Variants in CD44 observed in about 807,000 individuals in gnomAD.
CD44 encodes CD44 molecule (IN blood group).
In CD44, 49 loss-of-function variants were observed where a neutral mutation model predicts 88.8. The ratio of observed to expected loss-of-function variants is 0.55; its 90% CI spans 0.44 to 0.70. The LOEUF is 0.70. Among genes scored for constraint, CD44 ranks in the 30% least tolerant of loss-of-function variants. CD44 has a pLI of 0.00. For synonymous variants in CD44, 325 were observed against 312.3 expected, an observed-to-expected ratio of 1.04 and a Z score of -0.43; for missense variants, 883 against 913.8, an observed-to-expected ratio of 0.97 and a Z score of 0.43.
chr11:35,202,074 T>C (rs1426410376), intron 9 of CD44, among the ~76,000 whole-genome samples: 2 of 152,240 alleles, frequency 1.3e-5, no homozygotes, highest in Non-Finnish European at 2.9e-5. Flanking sequence ...AACTTGTGTG[T>C]GTTCATTGAA....
chr11:35,177,891 C>T (rs1266037998), intron 2 of CD44, among the ~76,000 whole-genome samples: 2 of 152,186 alleles, frequency 1.3e-5, no homozygotes, highest in Admixed American at 1.3e-4. Context: ...GGTTAGTCAC[C>T]GATGGCCAGT....
At chr11:35,187,095 A>C (rs1945757028) in intron 4 of CD44, among the ~76,000 whole-genome samples, 195 bp downstream of exon 4, 1 of 152,112 alleles carries the variant, frequency 6.6e-6, no homozygotes, top group African/African-American at 2.4e-5. Context: ...CAATATGGCG[A>C]AACCTTATCT....
At chr11:35,204,413 C>T in intron 9 of CD44, 99 bp from the exon 10 acceptor site, 1 of 1,131,924 alleles carries the variant, frequency 8.8e-7, no homozygotes, top group South Asian at 1.4e-5. Context: ...TCTACCTTCC[C>T]TCCCCATGTG....
intron 1 of CD44, among the ~76,000 whole-genome samples, chr11:35,147,616 C>CTT (rs34823633): frequency 1.6e-4 from 23 of 147,320 alleles, no homozygotes; most frequent in East Asian, 3.9e-4. Flanking sequence ...CTTCCCCCAA[C>CTT]TTTTTTTTTT....
In CD44 at chr11:35,208,170, G is replaced by T. The variant is rs12273397; in HGVS notation, c.1480G>T (p.Asp494Tyr). The change falls in exon 12 of 18, where the codon GAT (aspartate) becomes TAT (tyrosine). Residue 494 changes from aspartate to tyrosine, a missense_variant. Asp to Tyr is a radical substitution (Grantham distance 160). Transcript: ENST00000428726. ...AAATCCAAACACAGGTTTGGTGGAA[G>T]ATTTGGACAGGACAGGACCTCTTTC... is the stretch of plus-strand genomic sequence containing the variant. ...TANPNTGLVE[D>Y]LDRTGPLSMT... 6.2e-7 allele frequency: 1 copy of T among 1,613,190 alleles called. No individual in the cohort carries two copies. The highest frequency in any genetic ancestry group is 8.5e-7 in the Non-Finnish European group (1 of 1,179,178).
chr11:35,166,855 C>T (rs1430008850), intron 1 of CD44, among the ~76,000 whole-genome samples: 1 of 152,266 alleles, frequency 6.6e-6, no homozygotes, highest in Non-Finnish European at 1.5e-5. Context: ...GACTGAGTCA[C>T]TCAAGACTCA....
chr11:35,152,135 T>A (rs947808726), intron 1 of CD44, among the ~76,000 whole-genome samples: 2 of 152,242 alleles, frequency 1.3e-5, no homozygotes, highest in Admixed American at 1.3e-4. Flanking sequence ...CAGCTGCCAC[T>A]GGAAGCTCTT....
At chr11:35,211,524 A>G (rs1948388627) in intron 14 of CD44, 75 bp downstream of exon 14, 1 of 1,103,976 alleles carries the variant, frequency 9.1e-7, no homozygotes, top group Non-Finnish European at 1.4e-6. Context: ...TACAGAGGAC[A>G]TTTTCTGTGT....
chr11:35,207,078 A>C (rs1275455360), intron 11 of CD44, among the ~76,000 whole-genome samples: 5 of 152,254 alleles, frequency 3.3e-5, no homozygotes, highest in African/African-American at 1.2e-4. Context: ...TCTAGAGCCC[A>C]TCATCAAGTG....
intron 5 of CD44, among the ~76,000 whole-genome samples, chr11:35,193,187 T>C (rs1416257074): frequency 6.6e-6 from 1 of 152,104 alleles, no homozygotes; most frequent in East Asian, 1.9e-4. Context: ...CTGGGCCACA[T>C]TGGAAGAAGA....
chr11:35,180,541 A>G (rs1018422319), intron 3 of CD44, 134 bp downstream of exon 3: 14 of 925,820 alleles, frequency 1.5e-5, no homozygotes, highest in Middle Eastern at 3.2e-4. Flanking sequence ...CAGCAGAGCC[A>G]ACATTCCTGT....
Position 35,230,227 on chromosome 11 carries a change from T to G in CD44, c.*894T>G, listed in dbSNP as rs887871809. 2 of 151,334 alleles carry G rather than the reference T, an allele frequency of 1.3e-5. No homozygotes were observed. Among genetic ancestry groups the G allele is most frequent in the African/African-American group, 4.9e-5 (2 of 40,764 alleles). 9.4% of individuals were successfully genotyped at this position (151,334 alleles called of 1,614,324 possible). A position where few individuals can be genotyped will look rare whatever the true frequency, so the allele number is the denominator to read the frequency against. On this transcript the variant is annotated 3_prime_UTR_variant, in exon 18 of 18. Coordinates refer to ENST00000428726, the MANE Select transcript of CD44 (RefSeq NM_000610.4). Reference sequence around the variant, plus strand: ...GTTTTTGTTTTTTGTTTTTTGTTTTTTTTTTTTGACACTGTCCAAAGGTTT... The same window carrying G: ...GTTTTTGTTTTTTGTTTTTTGTTTTGTTTTTTTGACACTGTCCAAAGGTTT...
chr11:35,210,467 G>T (rs996344513), intron 13 of CD44: 1 of 152,108 alleles, frequency 6.6e-6, no homozygotes, highest in Non-Finnish European at 1.5e-5. Flanking sequence ...TTGTATCTTT[G>T]TTCTTATTAG....
At chr11:35,152,882 G>T (rs940070209) in intron 1 of CD44, among the ~76,000 whole-genome samples, 2 of 152,190 alleles carry the variant, frequency 1.3e-5, no homozygotes, top group African/African-American at 4.8e-5. Context: ...GTGGGAATGG[G>T]ATAATCATCA....
intron 2 of CD44, chr11:35,177,028 T>G (rs1944534261): frequency 3.0e-6 from 1 of 337,822 alleles, no homozygotes; most frequent in African/African-American, 2.1e-5. Context: ...TCTCCTGGCT[T>G]TGAAGAAGCT....
At chr11:35,172,294 G>C (rs1943995788) in intron 1 of CD44, among the ~76,000 whole-genome samples, 2 of 152,166 alleles carry the variant, frequency 1.3e-5, no homozygotes, top group South Asian at 4.1e-4. Context: ...TCAAAGAAAT[G>C]CTTCAGGATC....
chr11:35,212,750 G>T (rs1442382765), intron 14 of CD44: 1 of 152,152 alleles, frequency 6.6e-6, no homozygotes, highest in Non-Finnish European at 1.5e-5. Context: ...AAGTACCATT[G>T]TCAGTATTCT....
intron 3 of CD44, among the ~76,000 whole-genome samples, chr11:35,184,726 A>G (rs371811337): frequency 8.5e-5 from 13 of 152,228 alleles, no homozygotes; most frequent in East Asian, 7.7e-4. Flanking sequence ...ATGGTCTGGC[A>G]TATAAGTGTT....
chr11:35,143,882 C>T (rs1054648693), intron 1 of CD44, among the ~76,000 whole-genome samples: 2 of 152,250 alleles, frequency 1.3e-5, no homozygotes, highest in Non-Finnish European at 2.9e-5. Context: ...GGTTGCTTGT[C>T]TACAGGACAA....
Sources: gnomAD v4.1 joint callset for allele counts (sites outside exome capture counted in the v4.1 genomes callset) on GRCh38, gnomAD v4.1.1 for gene constraint, MANE v1.5 for transcripts, NCBI Gene and HGNC (gene_info 2026-07-23, HGNC 2026-07-21) for gene names.